MAST4: variants seen among roughly 807,000 people sequenced by gnomAD.
The protein encoded by MAST4 is microtubule-associated serine/threonine-protein kinase 4.
Under a neutral mutation model 162.7 loss-of-function variants are expected in MAST4, and 89 were observed. The observed-to-expected ratio is 0.55, with a 90% CI of 0.46 to 0.65. MAST4 has a LOEUF of 0.65. MAST4 is among the 30% of genes least tolerant of loss of function. The pLI is 0.00. For missense variants in MAST4, 3,153 were observed against 3,374.0 expected (o/e 0.93, Z 1.62); for synonymous variants, 1,479 against 1,361.1 (o/e 1.09, Z -1.91).
intron 4 of MAST4, among the ~76,000 whole-genome samples, chr5:66,986,837 C>T (rs1338445002): frequency 6.6e-6 from 1 of 151,944 alleles, no homozygotes; most frequent in African/African-American, 2.4e-5. Context: ...GTCTTGACCT[C>T]CTGGCCTCAA....
chr5:66,910,305 T>C (rs891774634), intron 4 of MAST4, among the ~76,000 whole-genome samples: 2 of 152,268 alleles, frequency 1.3e-5, no homozygotes, highest in African/African-American at 4.8e-5. Context: ...CTAAAGAGAA[T>C]AGTGACAGCC....
intron 22 of MAST4, 87 bp downstream of exon 22, chr5:67,144,883 G>A (rs968888856): frequency 8.2e-6 from 12 of 1,465,630 alleles, no homozygotes; most frequent in Non-Finnish European, 1.1e-5. Context: ...ATACCTGGGG[G>A]GCTTGTTAAA....
intron 1 of MAST4, among the ~76,000 whole-genome samples, chr5:66,699,244 T>G (rs952815244): frequency 6.6e-6 from 1 of 152,218 alleles, no homozygotes; most frequent in African/African-American, 2.4e-5. Flanking sequence ...CCTTAGATCT[T>G]ATAGTCACAC....
chr5:67,140,993 C>T (rs1250916360), intron 19 of MAST4, among the ~76,000 whole-genome samples: 1 of 152,144 alleles, frequency 6.6e-6, no homozygotes, highest in African/African-American at 2.4e-5. Flanking sequence ...TTTGCCCTGG[C>T]TGGGTTTAGA....
intron 3 of MAST4, among the ~76,000 whole-genome samples, chr5:66,790,387 T>G (rs1289185236): frequency 6.6e-6 from 1 of 152,188 alleles, no homozygotes; most frequent in African/African-American, 2.4e-5. Context: ...CCCTTTCTTC[T>G]CTGGAATTTC....
chr5:66,879,549 C>G (rs567598037), intron 3 of MAST4, among the ~76,000 whole-genome samples: 13 of 152,178 alleles, frequency 8.5e-5, no homozygotes, highest in African/African-American at 3.1e-4. Context: ...ACTCTCTCAC[C>G]AAGCCTAGAG....
At chr5:67,035,114 C>G (rs188197880) in intron 4 of MAST4, among the ~76,000 whole-genome samples, 1 of 152,126 alleles carries the variant, frequency 6.6e-6, no homozygotes, top group Admixed American at 6.5e-5. Context: ...TTTGGCTTTG[C>G]TATTTCTGAA....
chr5:66,599,552 C>T (rs1032441411), intron 1 of MAST4, among the ~76,000 whole-genome samples: 1 of 152,192 alleles, frequency 6.6e-6, no homozygotes, highest in Non-Finnish European at 1.5e-5. Flanking sequence ...TAACATATAG[C>T]ATCAAATGCC....
At chr5:67,036,995 A>C (rs1756099801) in intron 4 of MAST4, among the ~76,000 whole-genome samples, 1 of 152,182 alleles carries the variant, frequency 6.6e-6, no homozygotes, top group South Asian at 2.1e-4. Flanking sequence ...GGCCAAAAAG[A>C]AATGTATGTA....
chr5:66,908,120 A>C (rs1353717777), intron 4 of MAST4, among the ~76,000 whole-genome samples: 4 of 152,220 alleles, frequency 2.6e-5, no homozygotes, highest in African/African-American at 9.6e-5. Context: ...CTATCCTGAG[A>C]GTAAAGAGAG....
intron 3 of MAST4, among the ~76,000 whole-genome samples, chr5:66,842,260 G>GTAGGT (rs1758479270): frequency 6.6e-6 from 1 of 152,134 alleles, no homozygotes; most frequent in African/African-American, 2.4e-5. Flanking sequence ...ATAGGGTAGG[G>GTAGGT]TGTGGAATCA....
At chr5:66,775,878 C>T (rs1754577461) in intron 2 of MAST4, among the ~76,000 whole-genome samples, 1 of 152,064 alleles carries the variant, frequency 6.6e-6, no homozygotes, top group Non-Finnish European at 1.5e-5. Flanking sequence ...CTCTAGGTTT[C>T]TTGCTTATTC....
At chr5:66,609,460 G>A (rs999273704) in intron 1 of MAST4, among the ~76,000 whole-genome samples, 1 of 145,604 alleles carries the variant, frequency 6.9e-6, no homozygotes, top group Non-Finnish European at 1.5e-5. Flanking sequence ...GACCATCTCA[G>A]CTCACTGCAG....
chr5:66,848,363 CATAAA>C (rs1243846111), intron 3 of MAST4, among the ~76,000 whole-genome samples: 4 of 152,108 alleles, frequency 2.6e-5, no homozygotes, highest in African/African-American at 7.2e-5. Context: ...TAACATTTGT[CATAAA>C]ATACTAAGTT....
chr5:67,019,848 A>G (rs1753760745), intron 4 of MAST4, among the ~76,000 whole-genome samples: 1 of 152,178 alleles, frequency 6.6e-6, no homozygotes, highest in South Asian at 2.1e-4. Flanking sequence ...TGGAGGTATA[A>G]TCTGGAATAG....
intron 7 of MAST4, among the ~76,000 whole-genome samples, 156 bp downstream of exon 7, chr5:67,095,831 CAAAAAT>C (rs1261366185): frequency 6.6e-6 from 1 of 151,886 alleles, no homozygotes. Flanking sequence ...GATGGCCTGA[CAAAAAT>C]AAAAAGGACA....
intron 3 of MAST4, among the ~76,000 whole-genome samples, chr5:66,882,992 C>G (rs1445273708): frequency 2.0e-5 from 3 of 152,168 alleles, no homozygotes; most frequent in African/African-American, 7.2e-5. Context: ...GGGACCATTG[C>G]TCTCACTCCT....
At chr5:66,736,315 AT>A (rs150887206) in intron 1 of MAST4, among the ~76,000 whole-genome samples, 6,843 of 138,894 alleles carry the variant, frequency 0.049, 198 homozygotes, top group South Asian at 0.14. Flanking sequence ...TAGTGAGGGA[AT>A]TTTTTTTTTT....
chr5:66,738,384 A>G (rs1183160765), intron 1 of MAST4: 1 of 152,346 alleles, frequency 6.6e-6, no homozygotes, highest in Non-Finnish European at 1.5e-5. Flanking sequence ...GCAAGGAGCT[A>G]GAGAGCACAA....
Sources: allele counts gnomAD v4.1 joint callset (sites outside exome capture counted in the v4.1 genomes callset), GRCh38; gene constraint gnomAD v4.1.1; transcripts MANE v1.5; gene names NCBI Gene and HGNC (gene_info 2026-07-23, HGNC 2026-07-21).